The following SPIDR variants were observed in gnomAD, a reference collection of about 807,000 sequenced individuals.
SPIDR encodes DNA repair-scaffolding protein.
SPIDR carries 93 observed loss-of-function variants against 104.6 expected under a neutral mutation model. That is an observed-to-expected ratio of 0.89 (90% CI 0.75 to 1.06). SPIDR has a LOEUF of 1.06. SPIDR is among the 50% of genes least tolerant of loss of function. The probability of loss-of-function intolerance (pLI) is 0.00; values close to 1 mark genes in which losing one functional copy is unlikely to be tolerated. For missense variants in SPIDR, 1,154 were observed against 1,111.2 expected (o/e 1.04, Z -0.55); for synonymous variants, 431 against 416.9 (o/e 1.03, Z -0.41).
intron 10 of SPIDR, among the ~76,000 whole-genome samples, chr8:47,655,579 T>C (rs1482201443): frequency 6.6e-6 from 1 of 152,222 alleles, no homozygotes; most frequent in Non-Finnish European, 1.5e-5. Context: ...GTTGTTTGTT[T>C]TTTTCTTGTA....
chr8:47,265,489 C>G (rs1285356864), intron 1 of SPIDR, among the ~76,000 whole-genome samples: 1 of 151,864 alleles, frequency 6.6e-6, no homozygotes, highest in Non-Finnish European at 1.5e-5. Flanking sequence ...TGTGCCTGGC[C>G]TAGAGGTTGT....
chr8:47,300,730 T>A (rs1168943345), intron 5 of SPIDR, among the ~76,000 whole-genome samples: 1 of 152,226 alleles, frequency 6.6e-6, no homozygotes, highest in Admixed American at 6.5e-5. Flanking sequence ...AGGAGCAGAT[T>A]GTCCAGTTTC....
chr8:47,438,257 CAG>C (rs373433407), intron 7 of SPIDR, among the ~76,000 whole-genome samples: 11 of 152,150 alleles, frequency 7.2e-5, no homozygotes, highest in Admixed American at 2.0e-4. Context: ...CAGTGGGAGA[CAG>C]GGGAGGTTTC....
chr8:47,299,758 G>T (rs1277485829), intron 5 of SPIDR, among the ~76,000 whole-genome samples: 2 of 152,194 alleles, frequency 1.3e-5, no homozygotes, highest in Non-Finnish European at 2.9e-5. Context: ...TACATTTATT[G>T]ATTTCTGTAT....
intron 11 of SPIDR, among the ~76,000 whole-genome samples, chr8:47,685,035 A>G (rs1005794781): frequency 5.3e-5 from 8 of 152,198 alleles, no homozygotes; most frequent in African/African-American, 1.9e-4. Flanking sequence ...CCTGGCCAAC[A>G]TGGTGAAACC....
Position 47,601,967 on chromosome 8 carries a change from A to AT in SPIDR, c.1544+2772dup, listed in dbSNP as rs2062353616. 3.3e-5 allele frequency among the ~76,000 whole-genome samples: 5 copies of AT among 150,880 alleles called. No individual in the cohort carries two copies. In the South Asian group the frequency reaches 1.1e-3, roughly 32 times the overall value. On this transcript the variant is annotated intron_variant, in intron 10 of 19. Transcript: ENST00000297423. ...ATAATGATCAGGCTCTCTAGTTTAC[A>AT]TATCAAATTAATATAGAAGTAAAAC...
At chr8:47,553,963 TC>T (rs2090957519) in intron 8 of SPIDR, among the ~76,000 whole-genome samples, 2 of 152,208 alleles carry the variant, frequency 1.3e-5, no homozygotes, top group African/African-American at 4.8e-5. Context: ...TTGTTTTCCT[TC>T]CAACAATCAG....
chr8:47,413,449 T>C (rs556252589), intron 7 of SPIDR, among the ~76,000 whole-genome samples: 31 of 152,376 alleles, frequency 2.0e-4, no homozygotes, highest in African/African-American at 7.2e-4. Context: ...TTCTGCCATA[T>C]GAAAATAATC....
chr8:47,524,848 G>C (rs931142983), intron 8 of SPIDR, among the ~76,000 whole-genome samples: 3 of 152,092 alleles, frequency 2.0e-5, no homozygotes, highest in Admixed American at 2.0e-4. Context: ...CTAACACTTT[G>C]TACCAAGGGT....
At chr8:47,439,273 G>C (rs1554694605) in intron 7 of SPIDR, among the ~76,000 whole-genome samples, 3 of 152,052 alleles carry the variant, frequency 2.0e-5, no homozygotes, top group African/African-American at 7.2e-5. Flanking sequence ...TGGCTTTCAT[G>C]ACTTTTCTGT....
chr8:47,375,608 A>C lies in SPIDR; in HGVS notation c.526-20768A>C, dbSNP rs144714448. ...GCACGGCCTTCAAAGAAATAGGTTT[A>C]ATTGTTCCATGTTCTCAAGCTACTA... On this transcript the variant is annotated intron_variant, in intron 5 of 19. Transcript: ENST00000297423. Among the ~76,000 whole-genome samples the C allele has an allele frequency of 5.4e-3, 828 of 152,254 alleles. 5 individuals are homozygous for C. Among genetic ancestry groups the C allele is most frequent in the African/African-American group, 0.018 (758 of 41,550 alleles).
intron 5 of SPIDR, among the ~76,000 whole-genome samples, chr8:47,331,965 CTTTTTTTTTTTTTTTTTTTTTCTCTT>C (rs1220114004): frequency 1.2e-3 from 38 of 32,714 alleles, no homozygotes; most frequent in South Asian, 6.7e-3. Context: ...TTTTTTTAAA[CTTTTTTTTTTTTTTTTTTTTTCTCTT>C]TTTTTTTTTT....
chr8:47,457,313 G>C (rs1212007786), intron 8 of SPIDR, among the ~76,000 whole-genome samples: 1 of 152,136 alleles, frequency 6.6e-6, no homozygotes, highest in Non-Finnish European at 1.5e-5. Context: ...CAGGAAGTAA[G>C]GTGGTACCGC....
chr8:47,591,366 A>G (rs1170549544), intron 8 of SPIDR, among the ~76,000 whole-genome samples: 1 of 151,574 alleles, frequency 6.6e-6, no homozygotes, highest in East Asian at 1.9e-4. Flanking sequence ...CTGGGTCAAA[A>G]TTTTACCAGT....
chr8:47,272,858 GCTT>G (rs1274233935), intron 1 of SPIDR, among the ~76,000 whole-genome samples: 2 of 152,164 alleles, frequency 1.3e-5, no homozygotes, highest in African/African-American at 4.8e-5. Flanking sequence ...TTTCTTAATG[GCTT>G]CTTTAGGTAT....
chr8:47,341,806 A>C (rs1467446768), intron 5 of SPIDR, among the ~76,000 whole-genome samples: 3 of 152,148 alleles, frequency 2.0e-5, no homozygotes, highest in East Asian at 1.9e-4. Flanking sequence ...CTTTATTGCC[A>C]TCTATTATAA....
chr8:47,732,419 A>G, intron 19 of SPIDR: 1 of 557,798 alleles, frequency 1.8e-6, no homozygotes, highest in South Asian at 2.1e-5. Flanking sequence ...ACATGTGTGT[A>G]TGTGTGTGCA....
At chr8:47,403,096 CA>C (rs1416207047) in intron 6 of SPIDR, among the ~76,000 whole-genome samples, 3 of 152,146 alleles carry the variant, frequency 2.0e-5, no homozygotes, top group East Asian at 1.9e-4. Context: ...GAACAAAAGA[CA>C]AAAACCACAT....
chr8:47,465,442 C>A (rs1303351240), intron 8 of SPIDR, among the ~76,000 whole-genome samples: 1 of 152,052 alleles, frequency 6.6e-6, no homozygotes, highest in African/African-American at 2.4e-5. Context: ...AGATTCAAGG[C>A]CCAATAGACG....
Sources: gnomAD v4.1 joint callset for allele counts (sites outside exome capture counted in the v4.1 genomes callset) on GRCh38, gnomAD v4.1.1 for gene constraint, MANE v1.5 for transcripts, NCBI Gene and HGNC (gene_info 2026-07-23, HGNC 2026-07-21) for gene names.